The following NBEA variants were observed in gnomAD, a reference collection of about 807,000 sequenced individuals.
NBEA encodes the protein lysosomal-trafficking regulator 2.
Under a neutral mutation model 343.4 loss-of-function variants are expected in NBEA, and 44 were observed. That is an observed-to-expected ratio of 0.13 (90% CI 0.10 to 0.16). The LOEUF (loss-of-function observed/expected upper bound fraction) is 0.16, where lower values mean the gene tolerates loss of function less well. Among genes scored for constraint, NBEA ranks in the 10% least tolerant of loss-of-function variants. The pLI, the probability that NBEA is intolerant of heterozygous loss-of-function variation, is 1.00. For synonymous variants in NBEA, 1,175 were observed against 1,238.7 expected (o/e 0.95, Z 1.08); for missense variants, 2,555 against 3,631.3 (o/e 0.70, Z 7.62).
intron 22 of NBEA, among the ~76,000 whole-genome samples, 166 bp from the exon 23 acceptor site, chr13:35,161,584 C>T (rs2069562879): frequency 6.6e-6 from 1 of 152,088 alleles, no homozygotes; most frequent in Admixed American, 6.6e-5. Flanking sequence ...CAAAAAGTTT[C>T]CTGTGCAAGG....
chr13:35,231,712 G>A (rs550817742), intron 33 of NBEA, among the ~76,000 whole-genome samples: 1 of 152,166 alleles, frequency 6.6e-6, no homozygotes, highest in African/African-American at 2.4e-5. Context: ...TCATTTTGCA[G>A]ACATAGAAAG....
rs2075694249 is a variant in NBEA at position 35,472,447 on chromosome 13, G to A, written c.6496G>A (p.Val2166Met). ...TPAQLIAPVV[V>M]AKGTLSITTT... ...TGCCCAGCTCATCGCTCCCGTGGTG[G>A]TGGCCAAGGGGACTCTCTCCATCAC... The change falls in exon 41 of 59, where the codon GTG becomes ATG. Residue 2166 changes from valine (V) to methionine (M), a missense_variant. Val to Met is a conservative substitution (Grantham distance 21, BLOSUM62 1). Coordinates refer to ENST00000379939, the MANE Select transcript of NBEA (RefSeq NM_001385012.1). 3 of 1,613,976 alleles carry A rather than the reference G, an allele frequency of 1.9e-6. No homozygotes were observed. Among genetic ancestry groups the A allele is most frequent in the Non-Finnish European group, 2.5e-6 (3 of 1,179,882 alleles).
chr13:35,646,155 T>A (rs3818424), intron 50 of NBEA, 104 bp from the exon 51 acceptor site: 1 of 934,508 alleles, frequency 1.1e-6, no homozygotes, highest in Non-Finnish European at 1.6e-6. Context: ...TTTTCTGGAC[T>A]TTTTTTCATG....
At chr13:34,998,640 G>A (rs934298958) in intron 1 of NBEA, among the ~76,000 whole-genome samples, 1 of 152,240 alleles carries the variant, frequency 6.6e-6, no homozygotes, top group African/African-American at 2.4e-5. Context: ...AGAGAAATAT[G>A]GCTCTGTTCT....
At chr13:34,992,421 CT>C (rs1186216200) in intron 1 of NBEA, among the ~76,000 whole-genome samples, 3 of 150,326 alleles carry the variant, frequency 2.0e-5, no homozygotes, top group Non-Finnish European at 4.4e-5. Flanking sequence ...TGCCTGGCTA[CT>C]TTTTTGTATT....
chr13:35,664,555 A>C (rs187563139), intron 55 of NBEA, among the ~76,000 whole-genome samples: 16 of 152,246 alleles, frequency 1.1e-4, no homozygotes, highest in African/African-American at 3.9e-4. Context: ...AGCAGTTAGC[A>C]GTGAAAATGC....
intron 56 of NBEA, 91 bp from the exon 57 acceptor site, chr13:35,667,283 C>G: frequency 9.6e-7 from 1 of 1,038,186 alleles, no homozygotes; most frequent in Non-Finnish European, 1.5e-6. Context: ...CACATCTGAG[C>G]GCACACCCAG....
chr13:35,398,756 A>G (rs1401170740), intron 38 of NBEA, among the ~76,000 whole-genome samples: 1 of 152,052 alleles, frequency 6.6e-6, no homozygotes, highest in African/African-American at 2.4e-5. Context: ...TAGATTTAGC[A>G]TAACACTTAA....
In NBEA at chr13:35,093,669, A is replaced by G. The variant is rs962540454; in HGVS notation, c.1572-4628A>G. Among the ~76,000 whole-genome samples the G allele has an allele frequency of 6.6e-5, 10 of 152,004 alleles. No individual in the cohort carries two copies. In the South Asian group the frequency reaches 1.7e-3, roughly 25 times the overall value. On this transcript the variant is annotated intron_variant, in intron 10 of 58. Transcript: ENST00000379939. The stretch of plus-strand genomic sequence containing the variant: ...CATGTGTAATTATGACCTGTTTCCA[A>G]TTTAGAACTTAAGTTCTCCTTAGGG...
intron 27 of NBEA, 43 bp downstream of exon 27, chr13:35,173,637 A>G: frequency 1.9e-6 from 3 of 1,572,254 alleles, no homozygotes; most frequent in Non-Finnish European, 1.7e-6. Flanking sequence ...TTTACCTGAA[A>G]AAAATCTTTT....
intron 18 of NBEA, among the ~76,000 whole-genome samples, chr13:35,151,400 A>G (rs544613695): frequency 9.9e-5 from 15 of 152,118 alleles, no homozygotes; most frequent in Admixed American, 8.5e-4. Flanking sequence ...AAAATTAGCC[A>G]GGCGTGGTGG....
chr13:35,586,068 T>C (rs2081280414), intron 46 of NBEA, among the ~76,000 whole-genome samples: 1 of 152,130 alleles, frequency 6.6e-6, no homozygotes, highest in African/African-American at 2.4e-5. Context: ...AATCAATAAT[T>C]TTTCCCCTTA....
chr13:35,435,365 A>G (rs550920750), intron 39 of NBEA, among the ~76,000 whole-genome samples: 27 of 152,280 alleles, frequency 1.8e-4, no homozygotes, highest in African/African-American at 5.5e-4. Flanking sequence ...ACTGGGGTCC[A>G]TGATCTGGAT....
At chr13:35,226,486 T>A (rs2074659076) in intron 33 of NBEA, among the ~76,000 whole-genome samples, 1 of 152,104 alleles carries the variant, frequency 6.6e-6, no homozygotes, top group Non-Finnish European at 1.5e-5. Context: ...AATATTGTAT[T>A]TAGGAGCATA....
At chr13:35,596,828 GTGC>G (rs2081824609) in intron 47 of NBEA, among the ~76,000 whole-genome samples, 1 of 151,798 alleles carries the variant, frequency 6.6e-6, no homozygotes, top group South Asian at 2.1e-4. Context: ...GTTAATGGAG[GTGC>G]TCGCCACTGA....
At chr13:35,015,757 CTT>C (rs1337926295) in intron 1 of NBEA, among the ~76,000 whole-genome samples, 1 of 151,900 alleles carries the variant, frequency 6.6e-6, no homozygotes, top group Admixed American at 6.6e-5. Context: ...GAAACAATAA[CTT>C]TTTATATTAT....
intron 40 of NBEA, among the ~76,000 whole-genome samples, chr13:35,466,354 G>A (rs543746127): frequency 1.6e-4 from 25 of 152,346 alleles, no homozygotes; most frequent in African/African-American, 5.8e-4. Context: ...TAGTTTAGGG[G>A]AGAGTACATT....
At chr13:35,002,310 GA>G (rs2152525402) in intron 1 of NBEA, among the ~76,000 whole-genome samples, 1 of 152,240 alleles carries the variant, frequency 6.6e-6, no homozygotes, top group Admixed American at 6.5e-5. Flanking sequence ...CTACAATGGG[GA>G]AAAATTTATA....
chr13:35,583,756 G>A (rs767363525), intron 45 of NBEA, 142 bp from the exon 46 acceptor site: 21 of 631,882 alleles, frequency 3.3e-5, no homozygotes, highest in Non-Finnish European at 5.0e-5. Flanking sequence ...AATCCAGTAT[G>A]GTTAAAAATG....
Sources: allele counts gnomAD v4.1 joint callset (sites outside exome capture counted in the v4.1 genomes callset), GRCh38; gene constraint gnomAD v4.1.1; transcripts MANE v1.5; gene names NCBI Gene and HGNC (gene_info 2026-07-23, HGNC 2026-07-21).